CDH18: variants seen among roughly 807,000 people sequenced by gnomAD.
The protein encoded by CDH18 is cadherin 18.
CDH18 carries 31 observed loss-of-function variants against 67.9 expected under a neutral mutation model. The ratio of observed to expected loss-of-function variants is 0.46; its 90% CI spans 0.34 to 0.62. The LOEUF (loss-of-function observed/expected upper bound fraction) is 0.62. Ranked by LOEUF, CDH18 falls within the 20% of genes least tolerant of loss-of-function variation. CDH18 has a pLI of 0.01. For missense variants in CDH18, 890 were observed against 975.5 expected (o/e 0.91, Z 1.17); for synonymous variants, 362 against 347.2 (o/e 1.04, Z -0.48).
intron 2 of CDH18, among the ~76,000 whole-genome samples, chr5:19,844,193 G>A (rs1581609836): frequency 6.6e-6 from 1 of 152,166 alleles, no homozygotes; most frequent in Admixed American, 6.5e-5. Flanking sequence ...ATTTGCAAGG[G>A]GTCAGGAGTG....
chr5:19,866,490 G>T (rs1431510353), intron 2 of CDH18, among the ~76,000 whole-genome samples: 1 of 152,278 alleles, frequency 6.6e-6, no homozygotes, highest in Admixed American at 6.5e-5. Flanking sequence ...AGAAGGAAGA[G>T]AACACTGCAG....
intron 2 of CDH18, among the ~76,000 whole-genome samples, chr5:20,142,727 G>A (rs1002256160): frequency 6.6e-6 from 1 of 152,082 alleles, no homozygotes; most frequent in Non-Finnish European, 1.5e-5. Context: ...TATAAGCCAA[G>A]GAACACCAAA....
intron 1 of CDH18, among the ~76,000 whole-genome samples, chr5:20,551,855 ATTCTTCTTAGTTAATTC>A (rs1322320351): frequency 1.3e-5 from 2 of 152,076 alleles, no homozygotes; most frequent in Admixed American, 6.6e-5. Flanking sequence ...TTCTTAAAAT[ATTCTTCTTAGTTAATTC>A]TTCTTCTTAG....
At chr5:20,300,943 G>A (rs1314569595) in intron 1 of CDH18, among the ~76,000 whole-genome samples, 1 of 152,130 alleles carries the variant, frequency 6.6e-6, no homozygotes, top group Non-Finnish European at 1.5e-5. Context: ...AGATTAACCT[G>A]AGCACATATC....
At chr5:19,766,692 C>T (rs1483999337) in intron 3 of CDH18, among the ~76,000 whole-genome samples, 4 of 152,158 alleles carry the variant, frequency 2.6e-5, no homozygotes, top group Non-Finnish European at 5.9e-5. Context: ...CTCTGAATTT[C>T]AGCAAACTAA....
chr5:20,370,952 G>A (rs746529934), intron 1 of CDH18, among the ~76,000 whole-genome samples: 3 of 151,716 alleles, frequency 2.0e-5, no homozygotes, highest in Non-Finnish European at 2.9e-5. Flanking sequence ...CAGGATAATC[G>A]TTTGAACCTG....
At chr5:20,089,514 T>C (rs1052411768) in intron 2 of CDH18, among the ~76,000 whole-genome samples, 4 of 152,190 alleles carry the variant, frequency 2.6e-5, no homozygotes, top group African/African-American at 9.6e-5. Context: ...TTTAGTGCAC[T>C]TTGCAATTGT....
In CDH18 at chr5:19,875,698, G is replaced by C. The variant is rs181476763; in HGVS notation, c.-256-36456C>G. ...ATAGAATTGAATCTTTTATATTGTTGAATCTAGAAAGAATTTGTTTACTTT... is the reference window on the plus strand; with the variant it reads ...ATAGAATTGAATCTTTTATATTGTTCAATCTAGAAAGAATTTGTTTACTTT... On this transcript the variant is annotated intron_variant, in intron 2 of 12. Transcript: ENST00000382275. 2.2e-3 allele frequency among the ~76,000 whole-genome samples: 330 copies of C among 151,730 alleles called. 2 individuals carry two copies. The highest frequency in any genetic ancestry group is 7.4e-3 in the African/African-American group (307 of 41,408).
At chr5:19,693,137 C>A (rs994149693) in intron 5 of CDH18, among the ~76,000 whole-genome samples, 30 of 150,898 alleles carry the variant, frequency 2.0e-4, no homozygotes, top group Non-Finnish European at 3.7e-4. Context: ...ATAAAATAAA[C>A]CAGGCACAGA....
At chr5:19,903,243 AGT>A (rs946420964) in intron 2 of CDH18, among the ~76,000 whole-genome samples, 4 of 151,734 alleles carry the variant, frequency 2.6e-5, no homozygotes, top group Non-Finnish European at 5.9e-5. Flanking sequence ...TTAAAGGGGA[AGT>A]GTTAATTAAT....
intron 2 of CDH18, among the ~76,000 whole-genome samples, chr5:20,069,781 T>C (rs1743309327): frequency 6.6e-6 from 1 of 152,158 alleles, no homozygotes; most frequent in African/African-American, 2.4e-5. Flanking sequence ...CAGAGAAAGG[T>C]ACAGAGATTG....
chr5:20,327,335 C>A (rs113596854), intron 1 of CDH18, among the ~76,000 whole-genome samples: 1 of 152,144 alleles, frequency 6.6e-6, no homozygotes, highest in Non-Finnish European at 1.5e-5. Context: ...TGTAGATTTA[C>A]GGAGCAAATG....
chr5:19,916,989 C>G (rs919257091), intron 2 of CDH18, among the ~76,000 whole-genome samples: 4 of 152,084 alleles, frequency 2.6e-5, no homozygotes, highest in Non-Finnish European at 4.4e-5. Context: ...ACATTAAAAA[C>G]TGGTGCAATC....
chr5:20,412,823 TA>T (rs1746909815), intron 1 of CDH18, among the ~76,000 whole-genome samples: 1 of 152,176 alleles, frequency 6.6e-6, no homozygotes, highest in South Asian at 2.1e-4. Flanking sequence ...ATTCTTTTTT[TA>T]AAATTATACT....
chr5:20,098,323 A>G (rs2150572712), intron 2 of CDH18, among the ~76,000 whole-genome samples: 1 of 152,210 alleles, frequency 6.6e-6, no homozygotes, highest in East Asian at 1.9e-4. Context: ...TAAAAATTGT[A>G]TATATTCTAA....
chr5:19,843,287 C>A (rs1172722173), intron 2 of CDH18, among the ~76,000 whole-genome samples: 1 of 152,164 alleles, frequency 6.6e-6, no homozygotes, highest in Non-Finnish European at 1.5e-5. Flanking sequence ...TGGTACCCTG[C>A]GTCTCAGCCA....
chr5:20,050,037 C>T (rs1278877258), intron 2 of CDH18, among the ~76,000 whole-genome samples: 1 of 151,478 alleles, frequency 6.6e-6, no homozygotes, highest in Non-Finnish European at 1.5e-5. Flanking sequence ...TCTCACCTTT[C>T]AAAGCAGAAA....
chr5:19,899,814 G>T (rs1789742270), intron 2 of CDH18, among the ~76,000 whole-genome samples: 1 of 152,198 alleles, frequency 6.6e-6, no homozygotes, highest in African/African-American at 2.4e-5. Context: ...AGAACATTAT[G>T]GTAAGTAAAA....
intron 1 of CDH18, among the ~76,000 whole-genome samples, chr5:20,293,186 G>A (rs1487669598): frequency 6.6e-6 from 1 of 152,048 alleles, no homozygotes; most frequent in Non-Finnish European, 1.5e-5. Flanking sequence ...GAGTGGTAGT[G>A]GGCACCTGTA....
Sources: gnomAD v4.1 joint callset for allele counts (sites outside exome capture counted in the v4.1 genomes callset) on GRCh38, gnomAD v4.1.1 for gene constraint, MANE v1.5 for transcripts, NCBI Gene and HGNC (gene_info 2026-07-23, HGNC 2026-07-21) for gene names.